Variants in ZNF479 observed in about 807,000 individuals in gnomAD.
ZNF479 encodes zinc finger protein 479, also known as KRAB zinc finger protein KR19.
ZNF479 carries 15 observed loss-of-function variants against 14.7 expected under a neutral mutation model. The observed-to-expected ratio is 1.02, with a 90% CI of 0.68 to 1.57. The LOEUF (loss-of-function observed/expected upper bound fraction) is 1.57, where lower values mean the gene tolerates loss of function less well. Ranked by LOEUF, ZNF479 falls within the 40% of genes most tolerant of loss-of-function variation. ZNF479 has a pLI of 0.00. For synonymous variants in ZNF479, 145 were observed against 211.5 expected (o/e 0.69, Z 2.73); for missense variants, 506 against 615.1 (o/e 0.82, Z 1.88).
intron 3 of ZNF479, among the ~76,000 whole-genome samples, chr7:57,122,644 A>G: frequency 6.6e-6 from 1 of 152,212 alleles, no homozygotes; most frequent in East Asian, 1.9e-4. Context: ...TTTCTATGCA[A>G]CTGAAGTCAT....
At chr7:57,124,238 A>G (rs1297356264) in intron 3 of ZNF479, among the ~76,000 whole-genome samples, 2 of 152,172 alleles carry the variant, frequency 1.3e-5, no homozygotes. Context: ...AGCTGCAATA[A>G]CAATAACTAT....
intron 3 of ZNF479, among the ~76,000 whole-genome samples, chr7:57,124,361 A>G (rs1312281647): frequency 3.9e-5 from 6 of 152,238 alleles, no homozygotes; most frequent in Admixed American, 1.3e-4. Context: ...ATGAGCAGAC[A>G]ATGGAGAAAA....
chr7:57,120,370 T>C lies in ZNF479; in HGVS notation c.1045A>G (p.Arg349Gly), dbSNP rs560371254. The change falls in exon 4 of 4, where the codon AGA becomes GGA. Residue 349 changes from arginine to glycine, a missense_variant. Transcript: ENST00000319636. ...NLTRHKRIHT[R>G]EKPYACEECG... Reference sequence around the variant, plus strand: ...TCTTCACAGGCATAGGGTTTCTCTCTAGTATGAATTCTCTTATGTCTAGTA... The same window carrying C: ...TCTTCACAGGCATAGGGTTTCTCTCCAGTATGAATTCTCTTATGTCTAGTA... 1.3e-4 allele frequency: 208 copies of C among 1,610,754 alleles called. No individual in the cohort carries two copies. In the Middle Eastern group the frequency reaches 5.0e-3, roughly 39 times the overall value.
chr7:57,130,905 C>T (rs1045834125), intron 1 of ZNF479, among the ~76,000 whole-genome samples: 6 of 152,242 alleles, frequency 3.9e-5, no homozygotes, highest in East Asian at 3.9e-4. Context: ...GTAAACACCA[C>T]GAAATATGAT....
At chr7:57,129,470 A>G (rs1786325227) in intron 1 of ZNF479, among the ~76,000 whole-genome samples, 3 of 152,006 alleles carry the variant, frequency 2.0e-5, no homozygotes, top group African/African-American at 7.2e-5. Flanking sequence ...TTGTCACAAT[A>G]CTAATACTAC....
In ZNF479 at chr7:57,119,155, TC is replaced by T. The variant is rs1554399521; in HGVS notation, c.*684del. On this transcript the variant is annotated 3_prime_UTR_variant, in exon 4 of 4. Coordinates refer to ENST00000319636, the MANE Select transcript of ZNF479 (RefSeq NM_001370129.2). ...GGACTTTTTAAAGACATTACCATAT[TC>T]CTTATTGTAGGGTTTCTCTTCAGTA... is the stretch of plus-strand genomic sequence containing the variant. Among the ~76,000 whole-genome samples, 1 of 152,236 alleles carries T rather than the reference TC, an allele frequency of 6.6e-6. No homozygotes were observed. Among genetic ancestry groups the T allele is most frequent in the Non-Finnish European group, 1.5e-5 (1 of 68,036 alleles).
At position 57,120,610 on chromosome 7, in the gene ZNF479, A is replaced by G; in HGVS notation, c.805T>C (p.Tyr269His). 1.2e-6 allele frequency: 2 copies of G among 1,614,020 alleles called. No homozygotes were observed. Among genetic ancestry groups the G allele is most frequent in the Non-Finnish European group, 1.7e-6 (2 of 1,179,938 alleles). Residue 269 changes from tyrosine to histidine, a missense_variant, in exon 4 of 4, where the codon TAC becomes CAC. Around this residue, in one of 3 missense-constraint regions of ZNF479, gnomAD observed 420 missense variants for 474.2 expected, o/e 0.89. Coordinates refer to ENST00000319636, the MANE Select transcript of ZNF479 (RefSeq NM_001370129.2). Reference protein sequence around the residue: ...HKRTHTGEKPYTCEECGQAFR... With the variant: ...HKRTHTGEKPHTCEECGQAFR... ...GCTTGGCCACATTCTTCACACGTGT[A>G]GGGTTTCTCTCCAGTATGAGTTCTC...
At chr7:57,125,673 T>A (rs13238740) in intron 3 of ZNF479, among the ~76,000 whole-genome samples, 5 of 140,932 alleles carry the variant, frequency 3.5e-5, no homozygotes, top group Non-Finnish European at 4.7e-5. Context: ...CAAAAAAAAA[T>A]TTTAATGGTT....
rs1554399613 is a variant in ZNF479 at position 57,119,402 on chromosome 7, G to GTTCAAT, written c.*437_*438insATTGAA. Among the ~76,000 whole-genome samples the GTTCAAT allele has an allele frequency of 6.6e-6, 1 of 152,092 alleles. No individual in the cohort carries two copies. The highest frequency in any genetic ancestry group is 2.4e-5 in the African/African-American group (1 of 41,436). On this transcript the variant is annotated 3_prime_UTR_variant, in exon 4 of 4. Coordinates refer to ENST00000319636, the MANE Select transcript of ZNF479 (RefSeq NM_001370129.2). ...AAAGGTGGATCACCTGAGGTCAGGA[G>GTTCAAT]TTCAAGACCATCCTGGCCAACATGG...
rs200362091 is a variant in ZNF479, at chr7:57,120,286, C to T, written c.1129G>A (p.Gly377Arg). ...TCTTCACATGTGTAGGGTTTCTCTC[C>T]AGTATGAATTCTCCTATGTCTCATA... ...NLMRHRRIHT[G>R]EKPYTCEECG... is the part of the protein sequence containing the mutation. The change falls in exon 4 of 4, where the codon GGA becomes AGA. Residue 377 changes from glycine to arginine, a missense_variant. This residue lies in a region of ZNF479 where 420 missense variants were observed against 474.2 expected (regional missense o/e 0.89). Coordinates refer to ENST00000319636, the MANE Select transcript of ZNF479 (RefSeq NM_001370129.2). The T allele has an allele frequency of 3.2e-4, 515 of 1,609,928 alleles. No homozygotes were observed. The highest frequency in any genetic ancestry group is 1.1e-3 in the South Asian group (96 of 90,854).
chr7:57,123,163 A>G (rs902251751), intron 3 of ZNF479, among the ~76,000 whole-genome samples: 4 of 152,200 alleles, frequency 2.6e-5, no homozygotes, highest in Non-Finnish European at 5.9e-5. Flanking sequence ...TGAGGATATG[A>G]AGAAGCTTAC....
intron 1 of ZNF479, among the ~76,000 whole-genome samples, chr7:57,127,945 T>A (rs1278634370): frequency 1.6e-4 from 24 of 148,558 alleles, no homozygotes; most frequent in African/African-American, 5.4e-4. Flanking sequence ...ATATTTTTTT[T>A]TTTTTTTTGA....
At chr7:57,129,947 G>A (rs1209701717) in intron 1 of ZNF479, among the ~76,000 whole-genome samples, 8 of 152,200 alleles carry the variant, frequency 5.3e-5, no homozygotes, top group African/African-American at 1.2e-4. Context: ...AATTACAACC[G>A]AAATACAACA....
At position 57,120,737 on chromosome 7, in the gene ZNF479, T is replaced by G. The variant is rs1554400306; in HGVS notation, c.678A>C (p.Ser226=). The G allele has an allele frequency of 6.2e-7, 1 of 1,612,660 alleles. No homozygotes were observed. The highest frequency in any genetic ancestry group is 8.5e-7 in the Non-Finnish European group (1 of 1,179,386). The change falls in exon 4 of 4, where the codon TCA becomes TCC. Residue 226 remains serine (S), a synonymous_variant. Transcript: ENST00000319636. ...KECGKSFNCS[S]NHTTHKIIHT... is the part of the protein sequence containing the mutation. ...GAATTATTTTATGTGTAGTATGGTT[T>G]GAGGAGCAGTTAAAGGATTTGCCAC...
intron 3 of ZNF479, 108 bp downstream of exon 3, chr7:57,125,910 A>G: frequency 1.4e-6 from 2 of 1,446,808 alleles, no homozygotes; most frequent in South Asian, 2.5e-5. Flanking sequence ...CTTCTCAGAA[A>G]CTCTTTTCAT....
At chr7:57,129,718 T>G (rs1187695827) in intron 1 of ZNF479, among the ~76,000 whole-genome samples, 6 of 149,354 alleles carry the variant, frequency 4.0e-5, no homozygotes, top group Non-Finnish European at 8.9e-5. Flanking sequence ...ACCCTGGGAG[T>G]TGGTACTAAG....
At chr7:57,137,133 T>A (rs534331560), upstream of ZNF479, among the ~76,000 whole-genome samples, 367 of 152,290 alleles carry the variant, frequency 2.4e-3, 2 homozygotes, top group Non-Finnish European at 3.7e-3. Context: ...TAATTTTTTT[T>A]AAAAAGAGCA....
At chr7:57,124,404 G>C (rs546516980) in intron 3 of ZNF479, among the ~76,000 whole-genome samples, 2 of 152,182 alleles carry the variant, frequency 1.3e-5, no homozygotes, top group African/African-American at 4.8e-5. Context: ...GTTGAAAACT[G>C]GACATCTACA....
rs573015749 is a variant in ZNF479, at chr7:57,119,561, C to T, written c.*279G>A. ...GGCAGAGGTTACAGTGAGCTGAGAT[C>T]ATGACACTGCACTCCAGCCTGGGTG... On this transcript the variant is annotated 3_prime_UTR_variant, in exon 4 of 4. Transcript: ENST00000319636. The T allele has an allele frequency of 4.7e-5, 17 of 359,680 alleles. No individual in the cohort carries two copies. Among genetic ancestry groups the T allele is most frequent in the Middle Eastern group, 8.9e-4 (1 of 1,118 alleles). 22.3% of individuals were successfully genotyped at this position (359,680 alleles called of 1,614,324 possible). A position where few individuals can be genotyped will look rare whatever the true frequency, so the allele number is the denominator to read the frequency against.
Sources: gnomAD v4.1 joint callset for allele counts (sites outside exome capture counted in the v4.1 genomes callset) on GRCh38, gnomAD v4.1.1 for gene constraint, gnomAD v4.1.1 regional missense constraint, MANE v1.5 for transcripts, NCBI Gene and HGNC (gene_info 2026-07-23, HGNC 2026-07-21) for gene names.